SMYD3: variants seen among roughly 807,000 people sequenced by gnomAD.
SMYD3 encodes SET and MYND domain containing 3.
Under a neutral mutation model 57.7 loss-of-function variants are expected in SMYD3, and 36 were observed. That is an observed-to-expected ratio of 0.62 (90% CI 0.48 to 0.82). The LOEUF is 0.82. Ranked by LOEUF, SMYD3 falls within the 40% of genes least tolerant of loss-of-function variation. The probability of loss-of-function intolerance (pLI) is 0.00; values close to 1 mark genes in which losing one functional copy is unlikely to be tolerated. For synonymous variants in SMYD3, 211 were observed against 195.0 expected, an observed-to-expected ratio of 1.08 and a Z score of -0.68; for missense variants, 515 against 538.8, an observed-to-expected ratio of 0.96 and a Z score of 0.44.
intron 1 of SMYD3, among the ~76,000 whole-genome samples, chr1:246,470,788 C>T (rs988948229): frequency 3.3e-5 from 5 of 151,692 alleles, no homozygotes; most frequent in African/African-American, 7.3e-5. Flanking sequence ...ATTGCAACAT[C>T]GACAAAATTG....
At chr1:246,267,709 C>T (rs2064136809) in intron 5 of SMYD3, among the ~76,000 whole-genome samples, 1 of 152,192 alleles carries the variant, frequency 6.6e-6, no homozygotes, top group African/African-American at 2.4e-5. Flanking sequence ...CTTGCAGCCC[C>T]TTCCTGGATT....
At chr1:245,976,054 CCATCGTCTCTAGCCT>C (rs1307381048) in intron 5 of SMYD3, among the ~76,000 whole-genome samples, 11 of 21,028 alleles carry the variant, frequency 5.2e-4, no homozygotes, top group Non-Finnish European at 1.2e-3. Flanking sequence ...CTAGGGAAAG[CCATCGTCTCTAGCCT>C]AGGGAAAGCC....
chr1:246,440,572 G>A (rs959505289), intron 1 of SMYD3, among the ~76,000 whole-genome samples: 8 of 151,904 alleles, frequency 5.3e-5, no homozygotes, highest in African/African-American at 1.9e-4. Flanking sequence ...AGTGATGTAG[G>A]AACTCTCTCT....
At chr1:246,241,718 G>C (rs966546389) in intron 5 of SMYD3, among the ~76,000 whole-genome samples, 1 of 144,184 alleles carries the variant, frequency 6.9e-6, no homozygotes, top group African/African-American at 2.5e-5. Flanking sequence ...GAATCCATCT[G>C]GTCCTGAACT....
At chr1:246,176,888 G>C (rs1013714294) in intron 5 of SMYD3, among the ~76,000 whole-genome samples, 3 of 152,102 alleles carry the variant, frequency 2.0e-5, no homozygotes, top group African/African-American at 7.2e-5. Flanking sequence ...CATGAGGCTA[G>C]CCACTCTTGA....
chr1:246,481,426 G>A (rs2068098008), intron 1 of SMYD3, among the ~76,000 whole-genome samples: 1 of 150,736 alleles, frequency 6.6e-6, no homozygotes, highest in South Asian at 2.1e-4. Context: ...AATGGAGAAA[G>A]GGTGAATTCT....
At chr1:246,032,504 C>A (rs2059696196) in intron 5 of SMYD3, among the ~76,000 whole-genome samples, 1 of 152,174 alleles carries the variant, frequency 6.6e-6, no homozygotes, top group Non-Finnish European at 1.5e-5. Flanking sequence ...GGATGGAGAG[C>A]TCATATCCGA....
At chr1:246,391,371 C>A (rs922684782) in intron 1 of SMYD3, among the ~76,000 whole-genome samples, 2 of 141,394 alleles carry the variant, frequency 1.4e-5, no homozygotes, top group Non-Finnish European at 3.0e-5. Flanking sequence ...CAAAGCGAGA[C>A]CTTATTGAGA....
intron 5 of SMYD3, among the ~76,000 whole-genome samples, chr1:246,105,644 T>C (rs757832829): frequency 4.3e-4 from 65 of 152,208 alleles, no homozygotes; most frequent in Non-Finnish European, 6.8e-4. Context: ...ACGGATTTAT[T>C]GCTAATAAAA....
At chr1:246,497,181 A>C (rs2068377009) in intron 1 of SMYD3, among the ~76,000 whole-genome samples, 1 of 152,236 alleles carries the variant, frequency 6.6e-6, no homozygotes, top group South Asian at 2.1e-4. Context: ...CCTCCAGATC[A>C]TACCAACTCC....
chr1:245,836,088 T>A (rs1328407320), intron 10 of SMYD3, among the ~76,000 whole-genome samples: 1 of 152,136 alleles, frequency 6.6e-6, no homozygotes, highest in African/African-American at 2.4e-5. Flanking sequence ...CATAGACGTC[T>A]CCAAGATCGA....
chr1:245,998,655 TC>T (rs1422482881), intron 5 of SMYD3, among the ~76,000 whole-genome samples: 4 of 152,280 alleles, frequency 2.6e-5, no homozygotes, highest in Admixed American at 1.3e-4. Flanking sequence ...ATTCTGCTTC[TC>T]GGTATATGCC....
intron 1 of SMYD3, among the ~76,000 whole-genome samples, chr1:246,437,742 G>C (rs1012461815): frequency 1.3e-5 from 2 of 152,156 alleles, no homozygotes; most frequent in Non-Finnish European, 2.9e-5. Context: ...TTAAAACTTA[G>C]AGTTTTGACT....
intron 2 of SMYD3, among the ~76,000 whole-genome samples, chr1:246,343,579 G>A (rs1435047773): frequency 6.6e-6 from 1 of 152,168 alleles, no homozygotes; most frequent in East Asian, 1.9e-4. Flanking sequence ...CTATACATTG[G>A]TAGAATGGAA....
At chr1:246,337,362 T>C (rs776135996) in intron 2 of SMYD3, among the ~76,000 whole-genome samples, 3 of 152,230 alleles carry the variant, frequency 2.0e-5, no homozygotes, top group Non-Finnish European at 2.9e-5. Context: ...TTTAGAGAGT[T>C]AGGTTGGTAT....
At chr1:246,337,097 C>T (rs768110271) in intron 2 of SMYD3, among the ~76,000 whole-genome samples, 14 of 152,126 alleles carry the variant, frequency 9.2e-5, no homozygotes, top group Non-Finnish European at 1.8e-4. Flanking sequence ...TATTAAAATA[C>T]AACTCAGTGA....
intron 5 of SMYD3, among the ~76,000 whole-genome samples, chr1:246,022,466 T>C (rs2059488964): frequency 6.6e-6 from 1 of 152,218 alleles, no homozygotes; most frequent in Admixed American, 6.5e-5. Context: ...ACACTAACAG[T>C]GCGACCTGAG....
At chr1:246,235,208 G>A (rs892500924) in intron 5 of SMYD3, among the ~76,000 whole-genome samples, 3 of 152,088 alleles carry the variant, frequency 2.0e-5, no homozygotes, top group Admixed American at 1.3e-4. Flanking sequence ...AGTTAATACC[G>A]CTTTCCCCAC....
chr1:246,069,974 G>A (rs1276554169), intron 5 of SMYD3, among the ~76,000 whole-genome samples: 2 of 152,102 alleles, frequency 1.3e-5, no homozygotes, highest in Non-Finnish European at 1.5e-5. Flanking sequence ...CCCTCTCCCC[G>A]TCAATGAGGC....
Sources: allele counts gnomAD v4.1 joint callset (sites outside exome capture counted in the v4.1 genomes callset), GRCh38; gene constraint gnomAD v4.1.1; transcripts MANE v1.5; gene names NCBI Gene and HGNC (gene_info 2026-07-23, HGNC 2026-07-21).